Variants in NRXN1 observed in about 807,000 individuals in gnomAD.
NRXN1 encodes neurexin 1.
A neutral mutation model predicts 150.9 loss-of-function variants in NRXN1; 39 were observed. The observed-to-expected ratio is 0.26, with a 90% CI of 0.20 to 0.34. The LOEUF is 0.34. Among genes scored for constraint, NRXN1 ranks in the 10% least tolerant of loss-of-function variants. NRXN1 has a pLI of 1.00. For synonymous variants in NRXN1, 924 were observed against 757.0 expected, an observed-to-expected ratio of 1.22 and a Z score of -3.62; for missense variants, 1,815 against 1,949.9, an observed-to-expected ratio of 0.93 and a Z score of 1.30.
chr2:50,004,029 G>T (rs1684362293), intron 21 of NRXN1, among the ~76,000 whole-genome samples: 1 of 152,076 alleles, frequency 6.6e-6, no homozygotes, highest in Admixed American at 6.6e-5. Context: ...AAGCCACAGG[G>T]TATGAAAAGG....
At chr2:50,078,757 A>T (rs536819280) in intron 19 of NRXN1, among the ~76,000 whole-genome samples, 12 of 152,236 alleles carry the variant, frequency 7.9e-5, no homozygotes, top group Admixed American at 2.0e-4. Context: ...CAAAGAAGTG[A>T]AGAGCCTTTC....
At position 50,620,833 on chromosome 2, in the gene NRXN1, C is replaced by T. The variant is rs1407715841; in HGVS notation, c.1158+393G>A. On this transcript the variant is annotated intron_variant, in intron 7 of 22. Coordinates refer to ENST00000401669, the MANE Select transcript of NRXN1 (RefSeq NM_001330078.2). ...AATAAAAACAACTGCTTTGTGATGA[C>T]GTAAAGATGAGTGGGTGTGGCATCT... is the stretch of plus-strand genomic sequence containing the variant. The T allele has an allele frequency of 1.9e-5, 4 of 212,516 alleles. No individual in the cohort carries two copies. The East Asian group carries it at 3.1e-4, about 17-fold the overall frequency. The allele number at this position is 212,516 out of a possible 1,614,324, so 13.2% of individuals were successfully genotyped here.
At chr2:50,349,699 T>G (rs1314133405) in intron 17 of NRXN1, among the ~76,000 whole-genome samples, 1 of 152,212 alleles carries the variant, frequency 6.6e-6, no homozygotes, top group East Asian at 1.9e-4. Flanking sequence ...ATGCAATATT[T>G]AATGTTGGTG....
At chr2:50,558,823 G>A (rs1668619857) in intron 8 of NRXN1, among the ~76,000 whole-genome samples, 2 of 152,178 alleles carry the variant, frequency 1.3e-5, no homozygotes, top group South Asian at 4.1e-4. Flanking sequence ...ACTTTGGGAG[G>A]CCGAGGAGGG....
chr2:50,498,308 A>G (rs1269538069), intron 13 of NRXN1, among the ~76,000 whole-genome samples: 1 of 152,224 alleles, frequency 6.6e-6, no homozygotes, highest in Non-Finnish European at 1.5e-5. Flanking sequence ...TTCGTGCTCA[A>G]TAATGACCAT....
At chr2:50,525,190 C>T (rs1272338961) in intron 12 of NRXN1, among the ~76,000 whole-genome samples, 2 of 152,168 alleles carry the variant, frequency 1.3e-5, no homozygotes, top group African/African-American at 2.4e-5. Flanking sequence ...AAATAATTCA[C>T]GTGCTAGTCA....
chr2:50,278,884 A>G (rs1042877652), intron 17 of NRXN1, among the ~76,000 whole-genome samples: 1 of 152,222 alleles, frequency 6.6e-6, no homozygotes, highest in Non-Finnish European at 1.5e-5. Context: ...AAACCATTAA[A>G]ATAATCTAGA....
At position 50,667,258 on chromosome 2, in the gene NRXN1, T is replaced by C. The variant is rs182987229; in HGVS notation, c.833-43643A>G. On this transcript the variant is annotated intron_variant, in intron 5 of 22. Coordinates refer to ENST00000401669, the MANE Select transcript of NRXN1 (RefSeq NM_001330078.2). Reference sequence around the variant, plus strand: ...ATTGCATATTATCAACATAGTTTGCTATTCAGCAGGGACAATTTCATAATT... The same window carrying C: ...ATTGCATATTATCAACATAGTTTGCCATTCAGCAGGGACAATTTCATAATT... Among the ~76,000 whole-genome samples, 6 of 152,082 alleles carry C rather than the reference T, an allele frequency of 3.9e-5. No individual in the cohort carries two copies. In the East Asian group the frequency reaches 1.2e-3, roughly 29 times the overall value.
At chr2:51,005,012 C>T (rs140610074) in intron 2 of NRXN1, among the ~76,000 whole-genome samples, 1 of 152,044 alleles carries the variant, frequency 6.6e-6, no homozygotes, top group Non-Finnish European at 1.5e-5. Context: ...TACATATCTA[C>T]TACATATAGA....
At chr2:50,457,956 G>A (rs1027038733) in intron 17 of NRXN1, among the ~76,000 whole-genome samples, 2 of 152,098 alleles carry the variant, frequency 1.3e-5, no homozygotes, top group African/African-American at 4.8e-5. Context: ...CATAACTACC[G>A]TATGATCCAG....
At chr2:50,044,904 G>A (rs1043708993) in intron 21 of NRXN1, among the ~76,000 whole-genome samples, 6 of 152,214 alleles carry the variant, frequency 3.9e-5, no homozygotes, top group Middle Eastern at 3.4e-3. Flanking sequence ...AAATACACAC[G>A]TACATACACT....
chr2:50,428,907 T>G (rs935889707), intron 17 of NRXN1, among the ~76,000 whole-genome samples: 1 of 152,154 alleles, frequency 6.6e-6, no homozygotes, highest in Non-Finnish European at 1.5e-5. Flanking sequence ...TATTTATATA[T>G]TTAGGTCTGT....
At chr2:51,008,110 T>C (rs1007436161) in intron 2 of NRXN1, among the ~76,000 whole-genome samples, 1 of 151,944 alleles carries the variant, frequency 6.6e-6, no homozygotes, top group Non-Finnish European at 1.5e-5. Context: ...TGATTGTTGC[T>C]GGCAATGTAT....
At chr2:50,890,947 C>T (rs929632679) in intron 5 of NRXN1, among the ~76,000 whole-genome samples, 4 of 151,830 alleles carry the variant, frequency 2.6e-5, no homozygotes, top group Admixed American at 6.6e-5. Context: ...ATATTTAATG[C>T]CTTAACCAAA....
intron 18 of NRXN1, among the ~76,000 whole-genome samples, chr2:50,223,598 T>C (rs189606494): frequency 6.2e-4 from 94 of 152,096 alleles, no homozygotes; most frequent in Admixed American, 2.4e-3. Context: ...TGATGCTCTA[T>C]GGGATTTGGA....
intron 5 of NRXN1, among the ~76,000 whole-genome samples, chr2:50,788,980 G>C (rs1559264331): frequency 6.6e-6 from 1 of 152,232 alleles, no homozygotes; most frequent in South Asian, 2.1e-4. Context: ...AGGACAGTAA[G>C]AATGCAAGGA....
At position 50,524,658 on chromosome 2, in the gene NRXN1, C is replaced by A. The variant is rs574849850; in HGVS notation, c.2374+3967G>T. Among the ~76,000 whole-genome samples, 233 of 152,166 alleles carry A rather than the reference C, an allele frequency of 1.5e-3. 2 individuals are homozygous for A. The highest frequency in any genetic ancestry group is 5.5e-3 in the African/African-American group (227 of 41,538). On this transcript the variant is annotated intron_variant, in intron 12 of 22. Coordinates refer to ENST00000401669, the MANE Select transcript of NRXN1 (RefSeq NM_001330078.2). ...AAACACAAAAGGCTCCCTGAATCCA[C>A]TGAATCCACTGCATATTTAAAGTAG... is the stretch of plus-strand genomic sequence containing the variant.
chr2:50,332,319 A>C (rs2076889868), intron 17 of NRXN1, among the ~76,000 whole-genome samples: 1 of 152,204 alleles, frequency 6.6e-6, no homozygotes, highest in Non-Finnish European at 1.5e-5. Flanking sequence ...AGTATCTATG[A>C]AAATTTACTT....
intron 21 of NRXN1, among the ~76,000 whole-genome samples, chr2:50,038,434 C>T (rs1231368251): frequency 2.0e-5 from 3 of 152,108 alleles, no homozygotes; most frequent in East Asian, 1.9e-4. Context: ...TCCCTGCACC[C>T]ACATGTAAGA....
Sources: allele counts gnomAD v4.1 joint callset (sites outside exome capture counted in the v4.1 genomes callset), GRCh38; gene constraint gnomAD v4.1.1; transcripts MANE v1.5; gene names NCBI Gene and HGNC (gene_info 2026-07-23, HGNC 2026-07-21).